Variants in PRICKLE2 observed in about 807,000 individuals in gnomAD.
The protein encoded by PRICKLE2 is prickle planar cell polarity protein 2, also known as prickle-like protein 2.
PRICKLE2 carries 21 observed loss-of-function variants against 81.4 expected under a neutral mutation model. The ratio of observed to expected loss-of-function variants is 0.26; its 90% confidence interval spans 0.18 to 0.37. The LOEUF is 0.37. Ranked by LOEUF, PRICKLE2 falls within the 10% of genes least tolerant of loss-of-function variation. PRICKLE2 has a pLI of 1.00. For missense variants in PRICKLE2, 940 were observed against 1,109.0 expected, an observed-to-expected ratio of 0.85 and a Z score of 2.16; for synonymous variants, 456 against 421.5, an observed-to-expected ratio of 1.08 and a Z score of -1.00.
At chr3:64,191,182 G>C (rs78364956) in intron 2 of PRICKLE2, among the ~76,000 whole-genome samples, 1,911 of 152,258 alleles carry the variant, frequency 0.013, 21 homozygotes, top group Non-Finnish European at 0.019. Flanking sequence ...AAGGACTCTA[G>C]GATTGCTACA....
intron 2 of PRICKLE2, among the ~76,000 whole-genome samples, chr3:64,253,647 G>C (rs1404224446): frequency 2.6e-5 from 4 of 152,188 alleles, no homozygotes; most frequent in Admixed American, 2.6e-4. Context: ...GCAACCATGA[G>C]ACAAGTGCTG....
chr3:64,250,370 A>G (rs1196220118), intron 2 of PRICKLE2, among the ~76,000 whole-genome samples: 1 of 152,200 alleles, frequency 6.6e-6, no homozygotes, highest in Non-Finnish European at 1.5e-5. Flanking sequence ...ATGTCTCCAG[A>G]CATTACCAAA....
chr3:64,166,904 C>G (rs1243708564), intron 2 of PRICKLE2, among the ~76,000 whole-genome samples: 1 of 152,114 alleles, frequency 6.6e-6, no homozygotes, highest in Non-Finnish European at 1.5e-5. Flanking sequence ...TGTTTAGATG[C>G]TGGACTTTCC....
intron 7 of PRICKLE2, among the ~76,000 whole-genome samples, chr3:64,126,984 T>G (rs959645538): frequency 6.6e-6 from 1 of 152,284 alleles, no homozygotes; most frequent in East Asian, 1.9e-4. Context: ...GTCAGGTTTA[T>G]CAAATGCCTA....
intron 1 of PRICKLE2, among the ~76,000 whole-genome samples, chr3:64,221,654 G>A (rs775654270): frequency 5.9e-5 from 9 of 152,122 alleles, no homozygotes; most frequent in Non-Finnish European, 1.2e-4. Flanking sequence ...CAGTCATGGA[G>A]GGAATGAACA....
At chr3:64,149,254 G>C (rs2077505434) in intron 6 of PRICKLE2, among the ~76,000 whole-genome samples, 1 of 152,170 alleles carries the variant, frequency 6.6e-6, no homozygotes, top group South Asian at 2.1e-4. Flanking sequence ...GTGAGCTTTG[G>C]GTGGGGCAAA....
At chr3:64,251,635 G>A (rs181935886) in intron 2 of PRICKLE2, among the ~76,000 whole-genome samples, 54 of 152,318 alleles carry the variant, frequency 3.5e-4, no homozygotes, top group Non-Finnish European at 5.0e-4. Context: ...CAGGGCAGGG[G>A]AGAAGCATGG....
Position 64,147,059 on chromosome 3 carries a change from C to G in PRICKLE2, c.1431G>C (p.Leu477=). Residue 477 remains leucine, a synonymous_variant, in exon 7 of 8, where the codon CTG becomes CTC. Coordinates refer to ENST00000638394, the MANE Select transcript of PRICKLE2 (RefSeq NM_198859.4). The surrounding 1 kb of genome is among the most constrained non-coding windows in gnomAD (Gnocchi z 5.0). Reference sequence around the variant, plus strand: ...TATCACTGTAGCTCTCCTGAGATCTCAGCCTCCCCGGGTAATAGTCTTCTC... The same window carrying G: ...TATCACTGTAGCTCTCCTGAGATCTGAGCCTCCCCGGGTAATAGTCTTCTC... ...ECREDYYPGR[L]RSQESYSDMS... is the part of the protein sequence containing the mutation. The G allele has an allele frequency of 2.5e-6, 4 of 1,614,162 alleles. No homozygotes were observed. The highest frequency in any genetic ancestry group is 3.4e-6 in the Non-Finnish European group (4 of 1,180,038).
chr3:64,209,250 A>G (rs1486687052), intron 1 of PRICKLE2, among the ~76,000 whole-genome samples: 1 of 151,964 alleles, frequency 6.6e-6, no homozygotes, highest in African/African-American at 2.4e-5. Flanking sequence ...ATTCATTCAT[A>G]CCCATAAATA....
chr3:64,172,460 T>C (rs922523832), intron 2 of PRICKLE2, among the ~76,000 whole-genome samples: 4 of 152,250 alleles, frequency 2.6e-5, no homozygotes, highest in Non-Finnish European at 5.9e-5. Flanking sequence ...GTTCCAATAA[T>C]GGATGTAACA....
At chr3:64,126,350 G>C (rs1235474255) in intron 7 of PRICKLE2, among the ~76,000 whole-genome samples, 1 of 152,292 alleles carries the variant, frequency 6.6e-6, no homozygotes, top group African/African-American at 2.4e-5. Flanking sequence ...TAGAAGTCAT[G>C]GCAGGTATGA....
chr3:64,107,708 A>G (rs1349608502), intron 7 of PRICKLE2, among the ~76,000 whole-genome samples: 2 of 152,190 alleles, frequency 1.3e-5, no homozygotes, highest in Non-Finnish European at 2.9e-5. Flanking sequence ...TTAGCCAGGC[A>G]TAGTGGTGTG....
intron 7 of PRICKLE2, chr3:64,146,361 C>A (rs1026138668): frequency 4.1e-5 from 8 of 195,170 alleles, no homozygotes; most frequent in Admixed American, 2.1e-4. Context: ...TACAGGGAAG[C>A]CCATCAAAGA....
intron 2 of PRICKLE2, among the ~76,000 whole-genome samples, chr3:64,180,271 C>T (rs938536232): frequency 3.3e-5 from 5 of 152,172 alleles, no homozygotes; most frequent in Non-Finnish European, 7.3e-5. Context: ...TGCTCCAATT[C>T]CTGAGAGTTA....
chr3:64,255,441 T>C (rs1168965698), intron 2 of PRICKLE2, among the ~76,000 whole-genome samples: 1 of 152,164 alleles, frequency 6.6e-6, no homozygotes, highest in Admixed American at 6.5e-5. Flanking sequence ...TGGGAGCATC[T>C]TTGGAGGGAG....
At chr3:64,120,480 T>A (rs57067598) in intron 7 of PRICKLE2, among the ~76,000 whole-genome samples, 9,179 of 152,060 alleles carry the variant, frequency 0.06, 445 homozygotes, top group East Asian at 0.28. Context: ...TAGGAGTCAG[T>A]GATGGAGGCA....
intron 2 of PRICKLE2, among the ~76,000 whole-genome samples, chr3:64,175,974 T>C (rs2078015558): frequency 6.6e-6 from 1 of 152,186 alleles, no homozygotes; most frequent in African/African-American, 2.4e-5. Context: ...AGGCTCTTCC[T>C]GTCTTTCTGT....
intron 4 of PRICKLE2, among the ~76,000 whole-genome samples, chr3:64,158,925 A>G (rs1245851893): frequency 6.6e-6 from 1 of 152,178 alleles, no homozygotes; most frequent in Non-Finnish European, 1.5e-5. Context: ...TCCAGTTAAC[A>G]TATCTTCAGC....
Position 64,153,331 on chromosome 3 carries a change from C to T in PRICKLE2, c.638G>A (p.Arg213Gln), listed in dbSNP as rs775154480. ...GCAAAAGTGTTTCATGTGCCAGTGT[C>T]GCCCCTCAGCTTCTGTGCATTCATC... The part of the protein sequence containing the change: ...FADECTEAEG[R>Q]HWHMKHFCCF... The change falls in exon 6 of 8, where the codon CGA (arginine) becomes CAA (glutamine). Residue 213 changes from arginine to glutamine, a missense_variant. Coordinates refer to ENST00000638394, the MANE Select transcript of PRICKLE2 (RefSeq NM_198859.4). The T allele has an allele frequency of 1.7e-5, 28 of 1,614,006 alleles. No individual in the cohort carries two copies. Among genetic ancestry groups the T allele is most frequent in the Middle Eastern group, 1.6e-4 (1 of 6,084 alleles).
Sources: allele counts gnomAD v4.1 joint callset (sites outside exome capture counted in the v4.1 genomes callset), GRCh38; gene constraint gnomAD v4.1.1; non-coding constraint Gnocchi (gnomAD v3.1); transcripts MANE v1.5; gene names NCBI Gene and HGNC (gene_info 2026-07-23, HGNC 2026-07-21).